Variants in SCFD2 observed in about 807,000 individuals in gnomAD.
SCFD2 encodes sec1 family domain-containing protein 2.
Under a neutral mutation model 58.9 loss-of-function variants are expected in SCFD2, and 54 were observed. That is an observed-to-expected ratio of 0.92 (90% CI 0.74 to 1.15). SCFD2 has a LOEUF of 1.15. Ranked by LOEUF, SCFD2 falls within the 50% of genes most tolerant of loss-of-function variation. The pLI is 0.00. For missense variants in SCFD2, 805 were observed against 836.6 expected (o/e 0.96, Z 0.47); for synonymous variants, 321 against 335.9 (o/e 0.96, Z 0.49).
intron 4 of SCFD2, among the ~76,000 whole-genome samples, chr4:53,204,980 T>C (rs1211804774): frequency 1.3e-5 from 2 of 151,922 alleles, no homozygotes; most frequent in Non-Finnish European, 2.9e-5. Flanking sequence ...GAAGATAACA[T>C]ACAGGCATTT....
chr4:53,020,296 T>C (rs1722315428), intron 5 of SCFD2, among the ~76,000 whole-genome samples: 1 of 152,232 alleles, frequency 6.6e-6, no homozygotes, highest in African/African-American at 2.4e-5. Flanking sequence ...AAAATTCACA[T>C]GATCTAGAGT....
At chr4:53,263,253 A>C (rs866710766) in intron 4 of SCFD2, among the ~76,000 whole-genome samples, 6 of 152,046 alleles carry the variant, frequency 3.9e-5, no homozygotes, top group Non-Finnish European at 1.5e-5. Flanking sequence ...TTTTTCTGGA[A>C]ATTTAGAGAT....
At chr4:53,254,606 T>C (rs1202399324) in intron 4 of SCFD2, among the ~76,000 whole-genome samples, 1 of 151,654 alleles carries the variant, frequency 6.6e-6, no homozygotes, top group East Asian at 1.9e-4. Context: ...CCCAAAGTGC[T>C]GTGATTACAG....
intron 5 of SCFD2, among the ~76,000 whole-genome samples, chr4:53,021,484 T>C (rs534607857): frequency 3.3e-4 from 50 of 152,292 alleles, no homozygotes; most frequent in African/African-American, 1.2e-3. Context: ...AGAAACATAC[T>C]GTATGTTATG....
At chr4:53,140,628 A>G (rs574387758) in intron 5 of SCFD2, among the ~76,000 whole-genome samples, 178 of 151,652 alleles carry the variant, frequency 1.2e-3, no homozygotes, top group Non-Finnish European at 2.0e-3. Context: ...AGACAGATTA[A>G]TAAGCATAGG....
chr4:52,986,481 T>G (rs1721496512), intron 5 of SCFD2, among the ~76,000 whole-genome samples: 2 of 148,790 alleles, frequency 1.3e-5, no homozygotes, highest in South Asian at 4.3e-4. Context: ...AAGCTTAGGA[T>G]CTTCATGAAA....
intron 5 of SCFD2, among the ~76,000 whole-genome samples, chr4:53,086,722 C>T (rs890116396): frequency 6.6e-6 from 1 of 152,192 alleles, no homozygotes. Flanking sequence ...GAGATTCTGT[C>T]ATTTGCAACA....
At chr4:52,996,872 T>A (rs1721752305) in intron 5 of SCFD2, among the ~76,000 whole-genome samples, 1 of 152,230 alleles carries the variant, frequency 6.6e-6, no homozygotes, top group Non-Finnish European at 1.5e-5. Context: ...TAAGGCTGCA[T>A]TCCAGTGCTT....
chr4:52,985,567 A>G (rs1721470441), intron 5 of SCFD2, among the ~76,000 whole-genome samples: 1 of 151,894 alleles, frequency 6.6e-6, no homozygotes, highest in Non-Finnish European at 1.5e-5. Flanking sequence ...AGCATATTAT[A>G]AAACCATGGC....
At chr4:53,276,018 T>TTGTG (rs146091115) in intron 3 of SCFD2, among the ~76,000 whole-genome samples, 1,948 of 148,510 alleles carry the variant, frequency 0.013, 40 homozygotes, top group African/African-American at 0.043. Context: ...GTACAGGTCT[T>TTGTG]TGTGTGTGTG....
chr4:53,007,082 A>G (rs1485190674), intron 5 of SCFD2, among the ~76,000 whole-genome samples: 2 of 151,852 alleles, frequency 1.3e-5, no homozygotes, highest in Non-Finnish European at 2.9e-5. Context: ...GGAGTTTGAG[A>G]CCAACCTGGG....
chr4:53,304,471 C>G (rs573834203), intron 3 of SCFD2, among the ~76,000 whole-genome samples: 2 of 152,146 alleles, frequency 1.3e-5, no homozygotes, highest in African/African-American at 4.8e-5. Context: ...CACCAATCAA[C>G]TGTAGGTTTG....
At position 53,171,918 on chromosome 4, in the gene SCFD2, A is replaced by C. The variant is rs192471619; in HGVS notation, c.1312-26336T>G. Among the ~76,000 whole-genome samples the C allele has an allele frequency of 4.4e-3, 672 of 151,224 alleles. 3 individuals are homozygous for C. Among genetic ancestry groups the C allele is most frequent in the Non-Finnish European group, 7.2e-3 (485 of 67,768 alleles). ...AGCTAGGGGTTTGTCAATTTCAGCT[A>C]TCTTTTCAAAAAATCTGCTCTTAAT... On this transcript the variant is annotated intron_variant, in intron 4 of 8. Coordinates refer to ENST00000401642, the MANE Select transcript of SCFD2 (RefSeq NM_152540.4).
chr4:53,293,447 T>C, intron 3 of SCFD2, among the ~76,000 whole-genome samples: 1 of 152,128 alleles, frequency 6.6e-6, no homozygotes, highest in African/African-American at 2.4e-5. Flanking sequence ...CCTGCAAATG[T>C]ACCCCGGATG....
chr4:53,311,257 A>G (rs1306654692), intron 3 of SCFD2, among the ~76,000 whole-genome samples: 1 of 152,194 alleles, frequency 6.6e-6, no homozygotes, highest in East Asian at 1.9e-4. Context: ...GGTCCTTCTT[A>G]CAACAGAAGT....
At chr4:53,202,996 T>TTCCTAA (rs966765643) in intron 4 of SCFD2, among the ~76,000 whole-genome samples, 11 of 152,302 alleles carry the variant, frequency 7.2e-5, no homozygotes, top group African/African-American at 2.6e-4. Context: ...ACTTCCTCTT[T>TTCCTAA]TCCTAATTGA....
At chr4:53,056,235 T>C (rs1349325054) in intron 5 of SCFD2, among the ~76,000 whole-genome samples, 1 of 152,036 alleles carries the variant, frequency 6.6e-6, no homozygotes, top group East Asian at 1.9e-4. Context: ...TGGGGCCTTG[T>C]ATTTTTACAG....
At chr4:53,110,801 C>G (rs1026744225) in intron 5 of SCFD2, among the ~76,000 whole-genome samples, 2 of 152,142 alleles carry the variant, frequency 1.3e-5, no homozygotes, top group African/African-American at 4.8e-5. Flanking sequence ...GATCTAGAAC[C>G]AGAAATACCA....
chr4:52,916,553 G>A (rs762257565), intron 6 of SCFD2, among the ~76,000 whole-genome samples: 4 of 152,170 alleles, frequency 2.6e-5, no homozygotes, highest in Admixed American at 6.5e-5. Flanking sequence ...CAGCTTCTGC[G>A]ACAGAGTGAG....
Sources: allele counts gnomAD v4.1 joint callset (sites outside exome capture counted in the v4.1 genomes callset), GRCh38; gene constraint gnomAD v4.1.1; transcripts MANE v1.5; gene names NCBI Gene and HGNC (gene_info 2026-07-23, HGNC 2026-07-21).